SNRK: variants seen among roughly 807,000 people sequenced by gnomAD.
The protein encoded by SNRK is SNF-related serine/threonine-protein kinase.
A neutral mutation model predicts 48.2 loss-of-function variants in SNRK; 3 were observed. The observed-to-expected ratio is 0.06, with a 90% CI of 0.03 to 0.16. SNRK has a LOEUF of 0.16. SNRK is among the 10% of genes least tolerant of loss of function. SNRK has a pLI of 1.00. For missense variants in SNRK, 627 were observed against 976.0 expected (o/e 0.64, Z 4.76); for synonymous variants, 376 against 366.1 (o/e 1.03, Z -0.31).
chr3:43,330,304 G>T (rs2091136647), intron 3 of SNRK, among the ~76,000 whole-genome samples: 1 of 152,030 alleles, frequency 6.6e-6, no homozygotes, highest in South Asian at 2.1e-4. Context: ...TTTAAAACTT[G>T]GTAGGTTTCC....
intron 6 of SNRK, among the ~76,000 whole-genome samples, chr3:43,345,689 C>G (rs1279332622): frequency 6.6e-6 from 1 of 152,132 alleles, no homozygotes; most frequent in Non-Finnish European, 1.5e-5. Flanking sequence ...GATGCCATCT[C>G]AAGAATGTAG....
intron 3 of SNRK, among the ~76,000 whole-genome samples, chr3:43,327,209 A>T (rs80261900): frequency 6.6e-6 from 1 of 152,220 alleles, no homozygotes; most frequent in Non-Finnish European, 1.5e-5. Flanking sequence ...ATGGATAAAC[A>T]TGGGCAATTA....
At position 43,349,380 on chromosome 3, in the gene SNRK, T is replaced by A. The variant is rs1346924962; in HGVS notation, c.*823T>A. 6.6e-6 allele frequency: 1 copy of A among 152,654 alleles called. No individual in the cohort carries two copies. Among genetic ancestry groups the A allele is most frequent in the African/African-American group, 2.4e-5 (1 of 41,470 alleles). The allele number at this position is 152,654 out of a possible 1,614,324, so 9.5% of individuals were successfully genotyped here. ...GATGCTCTGTGTAAATTCCTTCCTGTAGGGCACACTGCAGGATTTCCATGT... is the reference window on the plus strand; with the variant it reads ...GATGCTCTGTGTAAATTCCTTCCTGAAGGGCACACTGCAGGATTTCCATGT... On this transcript the variant is annotated 3_prime_UTR_variant, in exon 7 of 7. Coordinates refer to ENST00000296088, the MANE Select transcript of SNRK (RefSeq NM_017719.5).
intron 1 of SNRK, among the ~76,000 whole-genome samples, chr3:43,297,922 CTA>C (rs1463067341): frequency 3.9e-5 from 6 of 152,036 alleles, no homozygotes; most frequent in Non-Finnish European, 8.8e-5. Context: ...CTGAACTGGT[CTA>C]TCTTATGAAA....
chr3:43,341,675 G>C (rs144404821), intron 5 of SNRK, among the ~76,000 whole-genome samples: 1 of 152,328 alleles, frequency 6.6e-6, no homozygotes, highest in African/African-American at 2.4e-5. Context: ...GCTCCCATCA[G>C]GAGGGCCCTT....
At chr3:43,302,490 C>T (rs1460739684) in intron 2 of SNRK, among the ~76,000 whole-genome samples, 3 of 152,020 alleles carry the variant, frequency 2.0e-5, no homozygotes, top group Non-Finnish European at 4.4e-5. Context: ...TCCCTGAGAA[C>T]CTGCTACTGT....
chr3:43,303,788 A>G lies in SNRK; in HGVS notation c.585A>G (p.Ala195=). 2 of 1,606,546 alleles carry G rather than the reference A, an allele frequency of 1.2e-6. No individual in the cohort carries two copies. Among genetic ancestry groups the G allele is most frequent in the Non-Finnish European group, 1.7e-6 (2 of 1,173,986 alleles). The change falls in exon 3 of 7, where the codon GCA becomes GCG. Residue 195 remains alanine, a synonymous_variant. Transcript: ENST00000296088. The surrounding 1 kb of genome is among the most constrained non-coding windows in gnomAD (Gnocchi z 6.2). ...ILLGDEYDAP[A]VDIWSLGVIL... Reference sequence around the variant, plus strand: ...TTGGTGATGAGTATGATGCACCTGCAGTAGGTAGGTAACCTCGGTCCAGTA... The same window carrying G: ...TTGGTGATGAGTATGATGCACCTGCGGTAGGTAGGTAACCTCGGTCCAGTA...
At chr3:43,310,199 A>G (rs2090969559) in intron 3 of SNRK, among the ~76,000 whole-genome samples, 1 of 152,094 alleles carries the variant, frequency 6.6e-6, no homozygotes, top group Non-Finnish European at 1.5e-5. Context: ...ATTTATTATT[A>G]CTGGAGTGTT....
At chr3:43,335,770 C>T (rs1293717746) in intron 4 of SNRK, among the ~76,000 whole-genome samples, 3 of 152,088 alleles carry the variant, frequency 2.0e-5, no homozygotes, top group Non-Finnish European at 4.4e-5. Context: ...TGAAAAGTGT[C>T]GTATCTTCCC....
rs1269187186 is a variant in SNRK at position 43,350,366 on chromosome 3, A to T, written c.*1809A>T. 1 of 152,640 alleles carries T rather than the reference A, an allele frequency of 6.6e-6. No individual in the cohort carries two copies. Among genetic ancestry groups the T allele is most frequent in the Non-Finnish European group, 1.5e-5 (1 of 68,032 alleles). 9.5% of individuals were successfully genotyped at this position (152,640 alleles called of 1,614,324 possible). A position where few individuals can be genotyped will look rare whatever the true frequency, so the allele number is the denominator to read the frequency against. On this transcript the variant is annotated 3_prime_UTR_variant, in exon 7 of 7. Transcript: ENST00000296088. ...ATTAAACATAGGAGAGAAGTTTATA[A>T]AGGGCATTGGCAATAAACTCTTTGT...
intron 2 of SNRK, among the ~76,000 whole-genome samples, chr3:43,301,778 A>G (rs1172775295): frequency 6.6e-6 from 1 of 152,230 alleles, no homozygotes; most frequent in Non-Finnish European, 1.5e-5. Context: ...AAAGGGATAG[A>G]TACTGACTAA....
Position 43,303,224 on chromosome 3 carries a change from G to T in SNRK, c.21G>T (p.Gly7=), listed in dbSNP as rs17075517. Reference sequence around the variant, plus strand: ...CCAGCATGGCAGGATTTAAGCGAGGGTATGATGGAAAGATTGCTGGATTAT... The same window carrying T: ...CCAGCATGGCAGGATTTAAGCGAGGTTATGATGGAAAGATTGCTGGATTAT... MAGFKR[G]YDGKIAGLYD... Residue 7 remains glycine (G), a synonymous_variant, in exon 3 of 7, where the codon GGG becomes GGT. Transcript: ENST00000296088. The surrounding 1 kb of genome is among the most constrained non-coding windows in gnomAD (Gnocchi z 6.2). The T allele has an allele frequency of 5.9e-3, 9,450 of 1,613,608 alleles. 377 individuals carry two copies. The African/African-American group carries it at 0.099, about 17-fold the overall frequency.
intron 1 of SNRK, among the ~76,000 whole-genome samples, chr3:43,291,315 A>C (rs2090810504): frequency 6.6e-6 from 1 of 152,176 alleles, no homozygotes. Flanking sequence ...TCTCCAAGGC[A>C]GATTTAGGAG....
intron 3 of SNRK, among the ~76,000 whole-genome samples, chr3:43,325,026 C>T (rs55730605): frequency 0.027 from 4,101 of 152,230 alleles, 190 homozygotes; most frequent in African/African-American, 0.091. Context: ...ATTAAACTTT[C>T]TTTGCTTTTT....
At chr3:43,337,799 A>G (rs1167369958) in intron 4 of SNRK, among the ~76,000 whole-genome samples, 1 of 152,178 alleles carries the variant, frequency 6.6e-6, no homozygotes, top group Non-Finnish European at 1.5e-5. Flanking sequence ...TTATAGAACC[A>G]TCACTATCAG....
intron 3 of SNRK, among the ~76,000 whole-genome samples, chr3:43,327,606 T>C (rs1178332746): frequency 1.3e-5 from 2 of 152,244 alleles, no homozygotes; most frequent in African/African-American, 2.4e-5. Context: ...TTTTGTTGTA[T>C]AGATAATTCA....
chr3:43,317,652 C>T (rs1314189607), intron 3 of SNRK, among the ~76,000 whole-genome samples: 2 of 152,270 alleles, frequency 1.3e-5, no homozygotes, highest in African/African-American at 2.4e-5. Context: ...GCTCCAGCCA[C>T]GCTGCCTCCT....
chr3:43,286,607 G>C lies in SNRK; in HGVS notation c.-237G>C, dbSNP rs1231852858. ...TATTATGATTAGCGCTGGGTGCGGG[G>C]TTTCGGCGGCCGGGAGGGAGTTGTC... On this transcript the variant is annotated 5_prime_UTR_variant, in exon 1 of 7. Coordinates refer to ENST00000296088, the MANE Select transcript of SNRK (RefSeq NM_017719.5). The C allele has an allele frequency of 6.7e-6, 1 of 150,342 alleles. No individual in the cohort carries two copies. Among genetic ancestry groups the C allele is most frequent in the Non-Finnish European group, 1.5e-5 (1 of 67,346 alleles). 9.3% of individuals were successfully genotyped at this position (150,342 alleles called of 1,614,324 possible).
rs1289281753 is a variant in SNRK at position 43,347,445 on chromosome 3, G to A, written c.1186G>A (p.Asp396Asn). ...TVPQSPARAA[D>N]SVLNGHRSKG... ...CCCTCAGTCTCCTGCTCGGGCTGCT[G>A]ACAGTGTCCTCAATGGCCACAGGAG... Residue 396 changes from aspartate (D) to asparagine (N), a missense_variant, in exon 7 of 7, where the codon GAC becomes AAC. Around this residue, in one of 4 missense-constraint regions of SNRK, gnomAD observed 175 missense variants for 209.7 expected, o/e 0.83. Transcript: ENST00000296088. This position sits in a 1 kb window ranked among gnomAD's most constrained non-coding sequence, Gnocchi z 5.4. 1.2e-6 allele frequency: 2 copies of A among 1,614,020 alleles called. No individual in the cohort carries two copies. Among genetic ancestry groups the A allele is most frequent in the Non-Finnish European group, 1.7e-6 (2 of 1,180,014 alleles).
Sources: gnomAD v4.1 joint callset for allele counts (sites outside exome capture counted in the v4.1 genomes callset) on GRCh38, gnomAD v4.1.1 for gene constraint, gnomAD v4.1.1 regional missense constraint, Gnocchi (gnomAD v3.1) non-coding constraint, MANE v1.5 for transcripts, NCBI Gene and HGNC (gene_info 2026-07-23, HGNC 2026-07-21) for gene names.